MAPKAPK5: variants seen among roughly 807,000 people sequenced by gnomAD.
MAPKAPK5 encodes MAP kinase-activated protein kinase 5.
A neutral mutation model predicts 65.1 loss-of-function variants in MAPKAPK5; 30 were observed. The ratio of observed to expected loss-of-function variants is 0.46; its 90% CI spans 0.34 to 0.63. The LOEUF is 0.63. Among genes scored for constraint, MAPKAPK5 ranks in the 20% least tolerant of loss-of-function variants. The probability of loss-of-function intolerance (pLI) is 0.01; values close to 1 mark genes in which losing one functional copy is unlikely to be tolerated. For synonymous variants in MAPKAPK5, 179 were observed against 204.6 expected (o/e 0.87, Z 1.07); for missense variants, 433 against 581.4 (o/e 0.74, Z 2.63).
In MAPKAPK5 at chr12:111,900,006, G is replaced by A. The variant is rs1451663831; in HGVS notation, c.*6945G>A. 1.1e-5 allele frequency: 5 copies of A among 455,944 alleles called. No individual in the cohort carries two copies. The highest frequency in any genetic ancestry group is 4.7e-5 in the Admixed American group (2 of 42,556). The allele number at this position is 455,944 out of a possible 1,614,324, so 28.2% of individuals were successfully genotyped here. ...CAACAACCAGCGGTTCCAGATGTGG[G>A]GCAGTAACGTCAATGAGACGGTCCA... On this transcript the variant is annotated 3_prime_UTR_variant, in exon 14 of 14. Coordinates refer to ENST00000550735, the MANE Select transcript of MAPKAPK5 (RefSeq NM_003668.4).
At chr12:111,892,659 A>G (rs1341890355) in intron 13 of MAPKAPK5, among the ~76,000 whole-genome samples, 1 of 152,018 alleles carries the variant, frequency 6.6e-6, no homozygotes, top group Non-Finnish European at 1.5e-5. Flanking sequence ...TTATAGATGT[A>G]TAGGAATTCT....
At chr12:111,847,159 T>C (rs951854180) in intron 1 of MAPKAPK5, among the ~76,000 whole-genome samples, 8 of 151,622 alleles carry the variant, frequency 5.3e-5, no homozygotes, top group African/African-American at 1.7e-4. Context: ...CTGGCCAACA[T>C]TGTGAAACCC....
intron 7 of MAPKAPK5, among the ~76,000 whole-genome samples, chr12:111,874,708 C>A (rs1446972604): frequency 2.0e-5 from 3 of 150,068 alleles, no homozygotes. Context: ...GGTAATCCAC[C>A]CACTTTGGCT....
intron 13 of MAPKAPK5, among the ~76,000 whole-genome samples, chr12:111,891,539 A>T (rs952777543): frequency 6.7e-6 from 1 of 149,970 alleles, no homozygotes; most frequent in Admixed American, 6.7e-5. Flanking sequence ...CACGCATGTA[A>T]TCCCAACACT....
At chr12:111,874,611 C>T (rs769355519) in intron 7 of MAPKAPK5, among the ~76,000 whole-genome samples, 64 of 148,486 alleles carry the variant, frequency 4.3e-4, no homozygotes, top group Non-Finnish European at 7.6e-4. Context: ...GACAGGCGCC[C>T]GCCACCACAC....
chr12:111,843,311 G>T, intron 1 of MAPKAPK5: 1 of 398,582 alleles, frequency 2.5e-6, no homozygotes, highest in Non-Finnish European at 4.4e-6. Context: ...CTCCTAGGAA[G>T]CATTGAGTTT....
rs757105435 is a variant in MAPKAPK5, at chr12:111,842,724, C to T, written c.-10C>T. ...CTCCGCCTCTCCCGGCTGTGGGGGC[C>T]CCACTGAGTATGTCGGAGGAGAGCG... On this transcript the variant is annotated 5_prime_UTR_variant, in exon 1 of 14. Coordinates refer to ENST00000550735, the MANE Select transcript of MAPKAPK5 (RefSeq NM_003668.4). 5 of 1,372,720 alleles carry T rather than the reference C, an allele frequency of 3.6e-6. No individual in the cohort carries two copies. The highest frequency in any genetic ancestry group is 3.0e-5 in the Admixed American group (1 of 32,870). The allele number at this position is 1,372,720 out of a possible 1,614,324, so 85.0% of individuals were successfully genotyped here.
At chr12:111,864,815 TC>T (rs2136103234) in intron 1 of MAPKAPK5, among the ~76,000 whole-genome samples, 1 of 152,338 alleles carries the variant, frequency 6.6e-6, no homozygotes, top group South Asian at 2.1e-4. Context: ...AATAATGTAA[TC>T]AACTTGTTCA....
chr12:111,853,120 C>T (rs112263287), intron 1 of MAPKAPK5, among the ~76,000 whole-genome samples: 11 of 152,170 alleles, frequency 7.2e-5, no homozygotes, highest in African/African-American at 2.6e-4. Flanking sequence ...AATCCCAGCA[C>T]TTTGGGAGGC....
At chr12:111,855,032 A>G (rs1463225165) in intron 1 of MAPKAPK5, among the ~76,000 whole-genome samples, 1 of 152,032 alleles carries the variant, frequency 6.6e-6, no homozygotes, top group African/African-American at 2.4e-5. Context: ...AAATTTGTCC[A>G]TTTTATCTAG....
intron 7 of MAPKAPK5, among the ~76,000 whole-genome samples, chr12:111,871,831 G>A (rs1301236396): frequency 2.0e-5 from 3 of 152,146 alleles, no homozygotes; most frequent in East Asian, 1.9e-4. Context: ...GTGCCACTTT[G>A]CAGTCAGTCC....
chr12:111,853,942 T>G (rs1287659276), intron 1 of MAPKAPK5, among the ~76,000 whole-genome samples: 1 of 152,242 alleles, frequency 6.6e-6, no homozygotes, highest in Non-Finnish European at 1.5e-5. Flanking sequence ...ATATAGTATA[T>G]GGTAATATTA....
In MAPKAPK5 at chr12:111,869,308, T is replaced by A. The variant is rs147268347; in HGVS notation, c.393+447T>A. ...CCACCTTTCTGTGATTTCTTCAGAT[T>A]TAATAATATCCTAAGATCTTTGTAA... is the stretch of plus-strand genomic sequence containing the variant. On this transcript the variant is annotated intron_variant, in intron 5 of 13. Coordinates refer to ENST00000550735, the MANE Select transcript of MAPKAPK5 (RefSeq NM_003668.4). Among the ~76,000 whole-genome samples, 537 of 152,358 alleles carry A rather than the reference T, an allele frequency of 3.5e-3. 4 individuals are homozygous for A. The highest frequency in any genetic ancestry group is 0.012 in the African/African-American group (511 of 41,580).
intron 1 of MAPKAPK5, among the ~76,000 whole-genome samples, chr12:111,858,255 G>A (rs771840037): frequency 6.6e-6 from 1 of 151,886 alleles, no homozygotes; most frequent in South Asian, 2.1e-4. Flanking sequence ...TTCTTTTTGT[G>A]TTTATCTTAT....
intron 1 of MAPKAPK5, among the ~76,000 whole-genome samples, chr12:111,844,459 G>C (rs1419420003): frequency 1.3e-5 from 2 of 152,188 alleles, no homozygotes; most frequent in South Asian, 2.1e-4. Context: ...CCAAAGTTCT[G>C]AGATAACAGG....
Position 111,893,360 on chromosome 12 carries a change from A to G in MAPKAPK5, c.*299A>G, listed in dbSNP as rs2070692204. Reference sequence around the variant, plus strand: ...AAATATACAAAAATCACTTGCCAGCAGTAGAAAAAGGACCGACTATACCGA... The same window carrying G: ...AAATATACAAAAATCACTTGCCAGCGGTAGAAAAAGGACCGACTATACCGA... On this transcript the variant is annotated 3_prime_UTR_variant, in exon 14 of 14. Coordinates refer to ENST00000550735, the MANE Select transcript of MAPKAPK5 (RefSeq NM_003668.4). 1 of 167,096 alleles carries G rather than the reference A, an allele frequency of 6.0e-6. No homozygotes were observed. The allele number at this position is 167,096 out of a possible 1,614,324, so 10.4% of individuals were successfully genotyped here.
At position 111,883,654 on chromosome 12, in the gene MAPKAPK5, A is replaced by G; in HGVS notation, c.734A>G (p.His245Arg). The change falls in exon 9 of 14, where the codon CAC becomes CGC. Residue 245 changes from histidine to arginine, a missense_variant. By Grantham distance (29) the His-to-Arg change is conservative. Coordinates refer to ENST00000550735, the MANE Select transcript of MAPKAPK5 (RefSeq NM_003668.4). This position sits in a 1 kb window ranked among gnomAD's most constrained non-coding sequence, Gnocchi z 4.8. ...GGATACCCTCCTTTTTACTCCAAACACCACAGCCGGACTATCCCAAAGGAT... is the reference window on the plus strand; with the variant it reads ...GGATACCCTCCTTTTTACTCCAAACGCCACAGCCGGACTATCCCAAAGGAT... ...LCGYPPFYSK[H>R]HSRTIPKDMR... 1 of 1,613,960 alleles carries G rather than the reference A, an allele frequency of 6.2e-7. No homozygotes were observed.
intron 10 of MAPKAPK5, chr12:111,888,029 C>T (rs2070469831): frequency 1.8e-5 from 3 of 166,856 alleles, no homozygotes; most frequent in South Asian, 3.1e-4. Context: ...CTGTAAATTA[C>T]TTGACTGGTT....
At chr12:111,860,452 C>A (rs1415510289) in intron 1 of MAPKAPK5, among the ~76,000 whole-genome samples, 1 of 152,204 alleles carries the variant, frequency 6.6e-6, no homozygotes, top group Non-Finnish European at 1.5e-5. Context: ...ATGTTCTGCC[C>A]ATCTAACAAA....
Sources: gnomAD v4.1 joint callset for allele counts (sites outside exome capture counted in the v4.1 genomes callset) on GRCh38, gnomAD v4.1.1 for gene constraint, Gnocchi (gnomAD v3.1) non-coding constraint, MANE v1.5 for transcripts, NCBI Gene and HGNC (gene_info 2026-07-23, HGNC 2026-07-21) for gene names.